GNS: variants seen among roughly 807,000 people sequenced by gnomAD.
The protein encoded by GNS is N-acetylglucosamine-6-sulfatase.
A neutral mutation model predicts 69.7 loss-of-function variants in GNS; 40 were observed. The observed-to-expected ratio is 0.57, with a 90% CI of 0.45 to 0.75. The LOEUF (loss-of-function observed/expected upper bound fraction) is 0.75, where lower values mean the gene tolerates loss of function less well. Among genes scored for constraint, GNS ranks in the 30% least tolerant of loss-of-function variants. The pLI is 0.00. For synonymous variants in GNS, 243 were observed against 251.6 expected (o/e 0.97, Z 0.32); for missense variants, 565 against 685.5 (o/e 0.82, Z 1.96).
intron 8 of GNS, among the ~76,000 whole-genome samples, chr12:64,738,400 T>C (rs905474133): frequency 3.9e-5 from 6 of 152,146 alleles, no homozygotes; most frequent in African/African-American, 1.4e-4. Context: ...TTCAAAACCT[T>C]CTAGTAACAA....
chr12:64,758,570 G>A (rs1410111073), intron 1 of GNS, among the ~76,000 whole-genome samples: 1 of 151,944 alleles, frequency 6.6e-6, no homozygotes, highest in African/African-American at 2.4e-5. Context: ...TGATCCGCCC[G>A]CCTCGGCCTC....
intron 1 of GNS, among the ~76,000 whole-genome samples, chr12:64,757,276 G>A (rs948843116): frequency 2.0e-5 from 3 of 152,136 alleles, no homozygotes; most frequent in Non-Finnish European, 4.4e-5. Context: ...AAGAATTGAA[G>A]AAACAACTCT....
chr12:64,716,358 T>A lies in GNS; in HGVS notation c.*383A>T. The A allele has an allele frequency of 3.3e-6, 1 of 300,502 alleles. No individual in the cohort carries two copies. The highest frequency in any genetic ancestry group is 6.6e-6 in the Non-Finnish European group (1 of 152,186). The allele number at this position is 300,502 out of a possible 1,614,324, so 18.6% of individuals were successfully genotyped here. On this transcript the variant is annotated 3_prime_UTR_variant, in exon 14 of 14. Transcript: ENST00000258145. ...TAGGTCAAGCTTACATATCAAAAGG[T>A]GTGTCTGTGTGTTTGTGTGTGTCCT...
intron 12 of GNS, among the ~76,000 whole-genome samples, chr12:64,720,777 T>C (rs1014931567): frequency 1.3e-5 from 2 of 152,230 alleles, no homozygotes; most frequent in African/African-American, 4.8e-5. Flanking sequence ...ATAATCTGTA[T>C]GCTGTTCTCC....
rs144220755 is a variant in GNS, at chr12:64,744,856, G to C, written c.577C>G (p.Arg193Gly). Residue 193 changes from arginine to glycine, a missense_variant, in exon 5 of 14, where the codon CGG (arginine) becomes GGG (glycine). This residue lies in a region of GNS where 384 missense variants were observed against 511.0 expected (regional missense o/e 0.75). Coordinates refer to ENST00000258145, the MANE Select transcript of GNS (RefSeq NM_002076.4). ...ACACTATAGTTTTCACCATGCTTCC[G>C]TGCCTTCCCATTGATAGACAGGGTG... Reference protein sequence around the residue: ...NYTLSINGKARKHGENYSVDY... With the variant: ...NYTLSINGKAGKHGENYSVDY... 3 of 1,569,736 alleles carry C rather than the reference G, an allele frequency of 1.9e-6. No homozygotes were observed. Among genetic ancestry groups the C allele is most frequent in the Non-Finnish European group, 2.6e-6 (3 of 1,139,614 alleles).
chr12:64,746,815 A>T (rs1191864471), intron 3 of GNS, among the ~76,000 whole-genome samples: 1 of 152,136 alleles, frequency 6.6e-6, no homozygotes, highest in African/African-American at 2.4e-5. Context: ...CACAGTTCCT[A>T]TTTCTCATGA....
intron 9 of GNS, among the ~76,000 whole-genome samples, chr12:64,732,165 TGTTG>T (rs150553078): frequency 0.011 from 636 of 59,632 alleles, 13 homozygotes; most frequent in East Asian, 0.022. Context: ...TTTTTTTTTT[TGTTG>T]TTTTTTTTTT....
intron 11 of GNS, chr12:64,722,788 C>T: frequency 1.8e-6 from 1 of 542,334 alleles, no homozygotes; most frequent in Non-Finnish European, 3.4e-6. Context: ...GCACTTGCTA[C>T]ATAAATTGGA....
rs144786338 is a variant in GNS at position 64,736,110 on chromosome 12, T to C, written c.1098+894A>G. Among the ~76,000 whole-genome samples, 34 of 152,306 alleles carry C rather than the reference T, an allele frequency of 2.2e-4. No individual in the cohort carries two copies. In the East Asian group the frequency reaches 4.2e-3, roughly 19 times the overall value. Reference sequence around the variant, plus strand: ...CACAGAACTGGGACTGAAACTGAAATTGTGATATCAGGAAGGAGAGAAGAC... The same window carrying C: ...CACAGAACTGGGACTGAAACTGAAACTGTGATATCAGGAAGGAGAGAAGAC... On this transcript the variant is annotated intron_variant, in intron 9 of 13. Transcript: ENST00000258145.
In GNS at chr12:64,747,838, GT is replaced by G; in HGVS notation, c.332del (p.Asn111ThrfsTer41). 4.4e-6 allele frequency: 7 copies of G among 1,608,808 alleles called. No homozygotes were observed. Among genetic ancestry groups the G allele is most frequent in the Non-Finnish European group, 6.0e-6 (7 of 1,175,228 alleles). ...GKYPHNHHVV[N>X]NTLEGNCSSK... Reference sequence around the variant, plus strand: ...TACTGCAGTTCCCCTCCAGAGTGTTGTTCACAACGTGATGATTATGTGGGTA... The same window carrying G: ...TACTGCAGTTCCCCTCCAGAGTGTTGTCACAACGTGATGATTATGTGGGTA... On this transcript the variant is annotated frameshift_variant, in exon 3 of 14. Transcript: ENST00000258145. LOFTEE classifies it high-confidence loss of function.
chr12:64,716,881 C>T (rs1431119944), intron 13 of GNS, 62 bp from the exon 14 acceptor site: 4 of 1,039,462 alleles, frequency 3.8e-6, no homozygotes, highest in Middle Eastern at 2.2e-4. Flanking sequence ...GAATATTATT[C>T]AGTGGAAAGG....
In GNS at chr12:64,729,575, G is replaced by T. The variant is rs377730884; in HGVS notation, c.1099-518C>A. Among the ~76,000 whole-genome samples the T allele has an allele frequency of 1.1e-4, 16 of 152,280 alleles. No homozygotes were observed. In the East Asian group the frequency reaches 2.1e-3, roughly 20 times the overall value. ...AATATGTTTGCAACAGGCTGTGAAGGCTGCAGAAAATTTATTCCAAAAATG... is the reference window on the plus strand; with the variant it reads ...AATATGTTTGCAACAGGCTGTGAAGTCTGCAGAAAATTTATTCCAAAAATG... On this transcript the variant is annotated intron_variant, in intron 9 of 13. Transcript: ENST00000258145.
chr12:64,746,545 T>C (rs1387704238), intron 3 of GNS, among the ~76,000 whole-genome samples: 1 of 152,230 alleles, frequency 6.6e-6, no homozygotes, highest in Non-Finnish European at 1.5e-5. Flanking sequence ...TGTATTTCAG[T>C]TGCCCTGCAG....
At chr12:64,735,356 T>C (rs1869529206) in intron 9 of GNS, among the ~76,000 whole-genome samples, 1 of 152,164 alleles carries the variant, frequency 6.6e-6, no homozygotes, top group South Asian at 2.1e-4. Context: ...ATCTGCAAAA[T>C]AGGGATAACA....
intron 9 of GNS, among the ~76,000 whole-genome samples, chr12:64,730,510 G>A (rs538517196): frequency 4.4e-4 from 64 of 146,948 alleles, no homozygotes; most frequent in African/African-American, 1.6e-3. Flanking sequence ...ACAGCTCTTA[G>A]AGGGCAGAAT....
chr12:64,743,220 C>G lies in GNS; in HGVS notation c.713G>C (p.Trp238Ser), dbSNP rs746445117. The G allele has an allele frequency of 5.0e-6, 8 of 1,612,742 alleles. No individual in the cohort carries two copies. Among genetic ancestry groups the G allele is most frequent in the Non-Finnish European group, 6.8e-6 (8 of 1,178,922 alleles). The change falls in exon 6 of 14, where the codon TGG (tryptophan) becomes TCG (serine). Residue 238 changes from tryptophan to serine, a missense_variant. By Grantham distance (177) the Trp-to-Ser change is radical. Transcript: ENST00000258145. ...MIATPAPHSP[W>S]TAAPQYQKAF... ...CTTCTGGTACTGAGGTGCAGCTGTC[C>G]AAGGCGAATGAGGCGCTGGAGTGGC...
chr12:64,729,165 A>G (rs996439640), intron 9 of GNS, 108 bp from the exon 10 acceptor site: 4 of 721,740 alleles, frequency 5.5e-6, no homozygotes, highest in Non-Finnish European at 1.0e-5. Flanking sequence ...CAACAGCACT[A>G]TTACCTTTTA....
rs1047661826 is a variant in GNS at position 64,716,019 on chromosome 12, G to A, written c.*722C>T. On this transcript the variant is annotated 3_prime_UTR_variant, in exon 14 of 14. Transcript: ENST00000258145. The stretch of plus-strand genomic sequence containing the variant: ...GCACTCCCTGTGGTTGGCAGCCACT[G>A]GAAAGTAGATGGCTATCACCTTCAA... 3 of 153,580 alleles carry A rather than the reference G, an allele frequency of 2.0e-5. No individual in the cohort carries two copies. Among genetic ancestry groups the A allele is most frequent in the Non-Finnish European group, 4.4e-5 (3 of 68,914 alleles). The allele number at this position is 153,580 out of a possible 1,614,324, so 9.5% of individuals were successfully genotyped here. A position where few individuals can be genotyped will look rare whatever the true frequency, so the allele number is the denominator to read the frequency against.
chr12:64,747,269 T>C (rs1869923855), intron 3 of GNS, among the ~76,000 whole-genome samples: 1 of 152,240 alleles, frequency 6.6e-6, no homozygotes, highest in Non-Finnish European at 1.5e-5. Flanking sequence ...TAAGTTGTTA[T>C]AATTCAGAAA....
Sources: gnomAD v4.1 joint callset for allele counts (sites outside exome capture counted in the v4.1 genomes callset) on GRCh38, gnomAD v4.1.1 for gene constraint, gnomAD v4.1.1 regional missense constraint, MANE v1.5 for transcripts, NCBI Gene and HGNC (gene_info 2026-07-23, HGNC 2026-07-21) for gene names.